Variants in CNTN4 observed in about 807,000 individuals in gnomAD.
CNTN4 encodes contactin 4, also known as contactin-4.
CNTN4 carries 77 observed loss-of-function variants against 122.5 expected under a neutral mutation model. The observed-to-expected ratio is 0.63, with a 90% CI of 0.52 to 0.76. The LOEUF (loss-of-function observed/expected upper bound fraction) is 0.76. Among genes scored for constraint, CNTN4 ranks in the 30% least tolerant of loss-of-function variants. The probability of loss-of-function intolerance (pLI) is 0.00; values close to 1 mark genes in which losing one functional copy is unlikely to be tolerated. For missense variants in CNTN4, 1,256 were observed against 1,259.1 expected, an observed-to-expected ratio of 1.00 and a Z score of 0.04; for synonymous variants, 512 against 447.0, an observed-to-expected ratio of 1.15 and a Z score of -1.83.
intron 7 of CNTN4, among the ~76,000 whole-genome samples, chr3:2,829,296 G>A (rs1271023555): frequency 6.6e-6 from 1 of 152,180 alleles, no homozygotes; most frequent in Non-Finnish European, 1.5e-5. Flanking sequence ...GAAAAAGAGA[G>A]CCACATTGAT....
chr3:2,192,279 G>A (rs1347102524), intron 2 of CNTN4, among the ~76,000 whole-genome samples: 1 of 151,996 alleles, frequency 6.6e-6, no homozygotes, highest in South Asian at 2.1e-4. Flanking sequence ...GGTATTTCTA[G>A]TTCTCGATCC....
At chr3:2,900,157 G>C (rs1037444443) in intron 10 of CNTN4, among the ~76,000 whole-genome samples, 1 of 152,240 alleles carries the variant, frequency 6.6e-6, no homozygotes, top group Non-Finnish European at 1.5e-5. Flanking sequence ...TTCAATTGCT[G>C]GTCTTTTCCA....
At chr3:2,705,806 TAA>T (rs1238279851) in intron 4 of CNTN4, among the ~76,000 whole-genome samples, 3 of 106,830 alleles carry the variant, frequency 2.8e-5, no homozygotes, top group Admixed American at 1.4e-4. Context: ...TTGTTATATA[TAA>T]TATATATAAT....
At position 3,054,273 on chromosome 3, in the gene CNTN4, C is replaced by T. The variant is rs533447382; in HGVS notation, c.2980+298C>T. ...TAGTTTGCATTGCATCTATTGTAGCCCCAGAATTACAGTTTAGAAAGTGAA... is the reference window on the plus strand; with the variant it reads ...TAGTTTGCATTGCATCTATTGTAGCTCCAGAATTACAGTTTAGAAAGTGAA... On this transcript the variant is annotated intron_variant, in intron 24 of 24. Transcript: ENST00000418658. 1.2e-3 allele frequency among the ~76,000 whole-genome samples: 159 copies of T among 137,086 alleles called. 1 individual carries two copies. The highest frequency in any genetic ancestry group is 4.1e-3 in the African/African-American group (153 of 37,426). The allele number at this position is 137,086 out of a possible 152,430, so 89.9% of individuals were successfully genotyped here.
intron 23 of CNTN4, among the ~76,000 whole-genome samples, chr3:3,053,075 C>T (rs1701421707): frequency 6.6e-6 from 1 of 152,184 alleles, no homozygotes. Context: ...TGCTCTGTCA[C>T]CCAGGCTGGA....
At chr3:3,027,193 C>T (rs1698799962) in intron 15 of CNTN4, among the ~76,000 whole-genome samples, 1 of 152,196 alleles carries the variant, frequency 6.6e-6, no homozygotes, top group Non-Finnish European at 1.5e-5. Context: ...AGTCTTACTA[C>T]CTTTATCAAA....
At chr3:2,488,849 T>TGC (rs2076235366) in intron 3 of CNTN4, among the ~76,000 whole-genome samples, 1 of 152,198 alleles carries the variant, frequency 6.6e-6, no homozygotes, top group East Asian at 1.9e-4. Flanking sequence ...TTGAAATGAA[T>TGC]GCTTACAAGT....
At chr3:2,485,009 G>A (rs1021457832) in intron 3 of CNTN4, among the ~76,000 whole-genome samples, 1 of 152,226 alleles carries the variant, frequency 6.6e-6, no homozygotes, top group Admixed American at 6.5e-5. Flanking sequence ...AGAGCAGCGG[G>A]CTGGTGCCAC....
chr3:2,996,145 T>G (rs1695513793), intron 14 of CNTN4, among the ~76,000 whole-genome samples: 1 of 152,172 alleles, frequency 6.6e-6, no homozygotes, highest in Non-Finnish European at 1.5e-5. Context: ...GAAAGGACTT[T>G]AGCTGTATTG....
Position 2,916,652 on chromosome 3 carries a change from TC to T in CNTN4, c.1208-8970del, listed in dbSNP as rs925632158. On this transcript the variant is annotated intron_variant, in intron 12 of 24. Transcript: ENST00000418658. ...GATTTCTCTTTCCTTTCCCCACACT[TC>T]CCCCCCTTCCACTCGACAAAACCGC... 4.1e-5 allele frequency among the ~76,000 whole-genome samples: 5 copies of T among 121,616 alleles called. 1 individual carries two copies. The highest frequency in any genetic ancestry group is 1.2e-4 in the African/African-American group (4 of 32,096). The allele number at this position is 121,616 out of a possible 152,430, so 79.8% of individuals were successfully genotyped here.
intron 2 of CNTN4, among the ~76,000 whole-genome samples, chr3:2,307,676 A>T (rs1222461722): frequency 2.0e-5 from 3 of 152,080 alleles, no homozygotes. Context: ...TCAAATGATC[A>T]TGTGGCTTTT....
chr3:2,846,598 A>G (rs551343143), intron 7 of CNTN4, among the ~76,000 whole-genome samples: 2 of 152,312 alleles, frequency 1.3e-5, no homozygotes, highest in East Asian at 3.9e-4. Flanking sequence ...TTTATGTTGG[A>G]CTAAACCAGT....
At chr3:2,259,020 C>T (rs143147415) in intron 2 of CNTN4, among the ~76,000 whole-genome samples, 3 of 151,984 alleles carry the variant, frequency 2.0e-5, no homozygotes, top group Non-Finnish European at 2.9e-5. Context: ...GGTGAGGAGA[C>T]GAAGACATAC....
intron 2 of CNTN4, among the ~76,000 whole-genome samples, chr3:2,119,353 C>T (rs982962591): frequency 1.3e-5 from 2 of 152,140 alleles, no homozygotes; most frequent in African/African-American, 4.8e-5. Context: ...TGTGGAGAAC[C>T]CTGACTACTA....
At chr3:2,259,650 C>T (rs12632584) in intron 2 of CNTN4, among the ~76,000 whole-genome samples, 74,979 of 152,002 alleles carry the variant, frequency 0.49, 19,070 homozygotes, top group South Asian at 0.63. Flanking sequence ...ATAAAACCAT[C>T]AGATCTCATG....
chr3:2,747,106 T>A (rs2320831), intron 6 of CNTN4, among the ~76,000 whole-genome samples: 83,331 of 140,234 alleles, frequency 0.59, 24,995 homozygotes, highest in Non-Finnish European at 0.71. Flanking sequence ...AAAAAAAAAA[T>A]GGAGATGGAA....
At chr3:2,149,330 G>A (rs533842370) in intron 2 of CNTN4, among the ~76,000 whole-genome samples, 21 of 152,196 alleles carry the variant, frequency 1.4e-4, no homozygotes, top group African/African-American at 4.8e-4. Flanking sequence ...GTTTTCATGC[G>A]GAGCACATTT....
At position 2,819,437 on chromosome 3, in the gene CNTN4, T is replaced by G. The variant is rs368759954; in HGVS notation, c.359-49T>G. On this transcript the variant is annotated intron_variant, in intron 6 of 24. Transcript: ENST00000418658. ...GAAATAGTGGTACTCTCCCTTGATA[T>G]CTTAGGACTTTAAAGTTTAAATGCT... The G allele has an allele frequency of 7.9e-6, 11 of 1,390,152 alleles. No homozygotes were observed. The African/African-American group carries it at 1.3e-4, about 16-fold the overall frequency. The allele number at this position is 1,390,152 out of a possible 1,614,324, so 86.1% of individuals were successfully genotyped here.
At chr3:2,296,656 A>C (rs545584904) in intron 2 of CNTN4, among the ~76,000 whole-genome samples, 11 of 152,276 alleles carry the variant, frequency 7.2e-5, no homozygotes, top group Admixed American at 2.0e-4. Flanking sequence ...GGCAAATACA[A>C]AGAGCAACAC....
Sources: gnomAD v4.1 joint callset for allele counts (sites outside exome capture counted in the v4.1 genomes callset) on GRCh38, gnomAD v4.1.1 for gene constraint, MANE v1.5 for transcripts, NCBI Gene and HGNC (gene_info 2026-07-23, HGNC 2026-07-21) for gene names.